The following PIKFYVE variants were observed in gnomAD, a reference collection of about 807,000 sequenced individuals.
PIKFYVE encodes 1-phosphatidylinositol 3-phosphate 5-kinase.
A neutral mutation model predicts 257.9 loss-of-function variants in PIKFYVE; 122 were observed. The ratio of observed to expected loss-of-function variants is 0.47; its 90% CI spans 0.41 to 0.55. The LOEUF (loss-of-function observed/expected upper bound fraction) is 0.55. Ranked by LOEUF, PIKFYVE falls within the 20% of genes least tolerant of loss-of-function variation. PIKFYVE has a pLI of 0.00. For missense variants in PIKFYVE, 2,160 were observed against 2,536.6 expected, an observed-to-expected ratio of 0.85 and a Z score of 3.19; for synonymous variants, 892 against 868.9, an observed-to-expected ratio of 1.03 and a Z score of -0.47.
intron 39 of PIKFYVE, among the ~76,000 whole-genome samples, chr2:208,353,647 G>A (rs568608278): frequency 1.3e-5 from 2 of 151,970 alleles, no homozygotes; most frequent in South Asian, 2.1e-4. Flanking sequence ...TTTCGGAAAC[G>A]TTTCAGTAAT....
chr2:208,329,884 A>C lies in PIKFYVE; in HGVS notation c.3762A>C (p.Leu1254Phe), dbSNP rs750439106. ...MEFYGKNDLT[L>F]GIFLERYCFR... ...TTTATGGAAAGAATGATCTTACATTAGGAATATTTTTAGAGAGATACTGTT... is the reference window on the plus strand; with the variant it reads ...TTTATGGAAAGAATGATCTTACATTCGGAATATTTTTAGAGAGATACTGTT... The change falls in exon 22 of 42, where the codon TTA becomes TTC. Residue 1254 changes from leucine to phenylalanine, a missense_variant. By Grantham distance (22) the Leu-to-Phe change is conservative. Transcript: ENST00000264380. 6.2e-7 allele frequency: 1 copy of C among 1,610,798 alleles called. No homozygotes were observed. The highest frequency in any genetic ancestry group is 1.1e-5 in the South Asian group (1 of 91,038).
intron 12 of PIKFYVE, among the ~76,000 whole-genome samples, chr2:208,307,774 A>C (rs1574548535): frequency 2.0e-5 from 3 of 152,332 alleles, no homozygotes; most frequent in Admixed American, 2.0e-4. Context: ...TTGATAAATC[A>C]GAAGACTATA....
intron 10 of PIKFYVE, 77 bp from the exon 11 acceptor site, chr2:208,304,094 A>G: frequency 6.6e-7 from 1 of 1,507,860 alleles, no homozygotes; most frequent in African/African-American, 1.4e-5. Context: ...TTGGACTACA[A>G]TTTATTTATA....
Position 208,266,282 on chromosome 2 carries a change from C to A in PIKFYVE, c.-143C>A, listed in dbSNP as rs542716362. On this transcript the variant is annotated 5_prime_UTR_variant, in exon 1 of 42. Transcript: ENST00000264380. Reference sequence around the variant, plus strand: ...GAAGCCGCATCAACCATGTAAGCAGCTTCGCTTCCTGCCGCAACCGTCCGC... The same window carrying A: ...GAAGCCGCATCAACCATGTAAGCAGATTCGCTTCCTGCCGCAACCGTCCGC... 4.0e-4 allele frequency: 61 copies of A among 152,354 alleles called. No individual in the cohort carries two copies. Among genetic ancestry groups the A allele is most frequent in the African/African-American group, 1.4e-3 (57 of 41,558 alleles). The allele number at this position is 152,354 out of a possible 1,614,324, so 9.4% of individuals were successfully genotyped here. A position where few individuals can be genotyped will look rare whatever the true frequency, so the allele number is the denominator to read the frequency against.
At chr2:208,273,935 CTT>C (rs1333524413) in intron 3 of PIKFYVE, 5 of 1,494,682 alleles carry the variant, frequency 3.3e-6, no homozygotes, top group Non-Finnish European at 4.6e-6. Flanking sequence ...TGAAAAAATT[CTT>C]AAACGTCTCA....
At chr2:208,336,019 T>C in intron 26 of PIKFYVE, 27 bp from the exon 27 acceptor site, 1 of 1,613,886 alleles carries the variant, frequency 6.2e-7, no homozygotes, top group Non-Finnish European at 8.5e-7. Context: ...AGTGTCTGTC[T>C]CCTGAAGTTG....
rs1696130591 is a variant in PIKFYVE, at chr2:208,320,903, AG to A, written c.2190+545del. Reference sequence around the variant, plus strand: ...GCTCTATTTTAAGAAAGTAAAAGTGAGCTTTTGCTTGCAGGGCTCTCTCCCC... The same window carrying A: ...GCTCTATTTTAAGAAAGTAAAAGTGACTTTTGCTTGCAGGGCTCTCTCCCC... On this transcript the variant is annotated intron_variant, in intron 17 of 41. Coordinates refer to ENST00000264380, the MANE Select transcript of PIKFYVE (RefSeq NM_015040.4). 2.0e-5 allele frequency among the ~76,000 whole-genome samples: 3 copies of A among 152,298 alleles called. No individual in the cohort carries two copies. In the South Asian group the frequency reaches 6.2e-4, roughly 32 times the overall value.
At chr2:208,289,494 A>T (rs907562512) in intron 7 of PIKFYVE, among the ~76,000 whole-genome samples, 18 of 151,900 alleles carry the variant, frequency 1.2e-4, no homozygotes, top group African/African-American at 4.1e-4. Flanking sequence ...CGGTGGTGTG[A>T]TCTCAGCTCA....
intron 7 of PIKFYVE, among the ~76,000 whole-genome samples, chr2:208,294,604 G>GC (rs1323032592): frequency 6.6e-6 from 1 of 152,104 alleles, no homozygotes; most frequent in Non-Finnish European, 1.5e-5. Context: ...GTGAGCCTGT[G>GC]CCCCTGAACT....
intron 7 of PIKFYVE, among the ~76,000 whole-genome samples, chr2:208,298,010 C>T (rs1265272111): frequency 2.0e-5 from 3 of 152,118 alleles, no homozygotes; most frequent in African/African-American, 7.2e-5. Context: ...AAATATAGGT[C>T]TACTAGTGAG....
chr2:208,274,062 C>T (rs918558517), intron 3 of PIKFYVE: 3 of 1,611,076 alleles, frequency 1.9e-6, no homozygotes, highest in Non-Finnish European at 2.5e-6. Context: ...AGGTTAGTTT[C>T]CACTTTGTGA....
At chr2:208,351,493 G>T (rs1319292441) in intron 38 of PIKFYVE, 38 bp downstream of exon 38, 2 of 1,518,740 alleles carry the variant, frequency 1.3e-6, no homozygotes, top group East Asian at 2.3e-5. Context: ...TCAAAGTTTG[G>T]TGGCTTTTTT....
At chr2:208,324,611 G>C (rs1187999418) in intron 18 of PIKFYVE, among the ~76,000 whole-genome samples, 1 of 152,102 alleles carries the variant, frequency 6.6e-6, no homozygotes, top group Non-Finnish European at 1.5e-5. Context: ...AGTTTACCCT[G>C]TGCAGAACAG....
At position 208,325,565 on chromosome 2, in the gene PIKFYVE, T is replaced by C. The variant is rs1184385397; in HGVS notation, c.2754T>C (p.Pro918=). 6.2e-7 allele frequency: 1 copy of C among 1,614,134 alleles called. No homozygotes were observed. ...GGSIPWDPDI[P]PESLPCDDSS... The stretch of plus-strand genomic sequence containing the variant: ...CCATCCCCTGGGATCCTGACATCCC[T>C]CCTGAGTCTCTGCCCTGTGATGATA... The change falls in exon 20 of 42, where the codon CCT becomes CCC. Residue 918 remains proline (P), a synonymous_variant. Transcript: ENST00000264380.
chr2:208,354,856 A>G (rs911384566), intron 41 of PIKFYVE, among the ~76,000 whole-genome samples: 24 of 152,244 alleles, frequency 1.6e-4, no homozygotes, highest in Non-Finnish European at 1.3e-4. Context: ...GAGGTTCTCA[A>G]AAAGATTTTT....
chr2:208,292,553 T>G (rs1301920350), intron 7 of PIKFYVE, among the ~76,000 whole-genome samples: 1 of 152,144 alleles, frequency 6.6e-6, no homozygotes, highest in African/African-American at 2.4e-5. Flanking sequence ...GTAATTTCCC[T>G]TTTTATCTTT....
intron 7 of PIKFYVE, among the ~76,000 whole-genome samples, chr2:208,289,113 G>A (rs1485207288): frequency 6.6e-6 from 1 of 152,190 alleles, no homozygotes; most frequent in Non-Finnish European, 1.5e-5. Context: ...TTGTGGAGGA[G>A]TGTCCCAAGA....
intron 34 of PIKFYVE, among the ~76,000 whole-genome samples, chr2:208,346,663 CTT>C (rs1263629594): frequency 1.3e-5 from 2 of 152,140 alleles, no homozygotes; most frequent in African/African-American, 4.8e-5. Context: ...GTTTCTCTGA[CTT>C]TGTCAGGAAC....
Position 208,325,663 on chromosome 2 carries a change from C to G in PIKFYVE, c.2852C>G (p.Ala951Gly), listed in dbSNP as rs746783401. Residue 951 changes from alanine to glycine, a missense_variant, in exon 20 of 42, where the codon GCC becomes GGC. Around this residue, in one of 12 missense-constraint regions of PIKFYVE, gnomAD observed 522 missense variants for 514.6 expected, o/e 1.01. Coordinates refer to ENST00000264380, the MANE Select transcript of PIKFYVE (RefSeq NM_015040.4). ...QENKNLPQAV[A>G]SVKHQEHSTT... ...AATAAAAATCTTCCGCAGGCTGTTG[C>G]CTCTGTGAAGCATCAAGAACATAGC... 1 of 1,614,118 alleles carries G rather than the reference C, an allele frequency of 6.2e-7. No individual in the cohort carries two copies. The highest frequency in any genetic ancestry group is 8.5e-7 in the Non-Finnish European group (1 of 1,180,038).
Sources: gnomAD v4.1 joint callset for allele counts (sites outside exome capture counted in the v4.1 genomes callset) on GRCh38, gnomAD v4.1.1 for gene constraint, gnomAD v4.1.1 regional missense constraint, MANE v1.5 for transcripts, NCBI Gene and HGNC (gene_info 2026-07-23, HGNC 2026-07-21) for gene names.